The following PDE4D variants were observed in gnomAD, a reference collection of about 807,000 sequenced individuals.
The protein encoded by PDE4D is 3',5'-cyclic-AMP phosphodiesterase 4D.
A neutral mutation model predicts 87.4 loss-of-function variants in PDE4D; 24 were observed. The ratio of observed to expected loss-of-function variants is 0.27; its 90% CI spans 0.20 to 0.39. The LOEUF (loss-of-function observed/expected upper bound fraction) is 0.39. Ranked by LOEUF, PDE4D falls within the 10% of genes least tolerant of loss-of-function variation. The pLI is 1.00. For missense variants in PDE4D, 714 were observed against 1,041.0 expected (o/e 0.69, Z 4.32); for synonymous variants, 384 against 383.2 (o/e 1.00, Z -0.02).
intron 1 of PDE4D, among the ~76,000 whole-genome samples, chr5:60,206,005 G>A (rs116003472): frequency 6.6e-4 from 101 of 152,262 alleles, no homozygotes; most frequent in African/African-American, 2.4e-3. Flanking sequence ...CATTAAGTGA[G>A]GTATCTCCAG....
intron 1 of PDE4D, among the ~76,000 whole-genome samples, chr5:60,441,920 C>T (rs1745253965): frequency 6.6e-6 from 1 of 151,820 alleles, no homozygotes; most frequent in African/African-American, 2.4e-5. Context: ...GAATAGCAAT[C>T]ATTAAAAAGT....
intron 1 of PDE4D, among the ~76,000 whole-genome samples, chr5:60,357,909 T>C (rs1029129177): frequency 6.6e-6 from 1 of 152,196 alleles, no homozygotes; most frequent in Non-Finnish European, 1.5e-5. Flanking sequence ...TTACCACATA[T>C]ATGCAGTTGT....
chr5:60,295,425 A>G (rs544662622), intron 1 of PDE4D, among the ~76,000 whole-genome samples: 5 of 152,316 alleles, frequency 3.3e-5, no homozygotes, highest in African/African-American at 9.6e-5. Context: ...CTTGTTCCCA[A>G]TCTTATGGGA....
chr5:59,549,849 TCTA>T (rs1817829231), intron 1 of PDE4D, among the ~76,000 whole-genome samples: 1 of 152,028 alleles, frequency 6.6e-6, no homozygotes, highest in South Asian at 2.1e-4. Flanking sequence ...TTGGTTTTAC[TCTA>T]CTAACTCCAA....
chr5:59,955,282 T>C (rs1251515218), intron 3 of PDE4D, among the ~76,000 whole-genome samples: 1 of 152,222 alleles, frequency 6.6e-6, no homozygotes, highest in African/African-American at 2.4e-5. Flanking sequence ...TACTAGTTGA[T>C]ACTGGTAAAT....
At chr5:60,151,420 T>C (rs1460012056) in intron 2 of PDE4D, among the ~76,000 whole-genome samples, 1 of 152,198 alleles carries the variant, frequency 6.6e-6, no homozygotes, top group East Asian at 1.9e-4. Context: ...TTTATTTGCA[T>C]CTTCTTTAAT....
chr5:59,799,615 A>G (rs749184348), intron 1 of PDE4D, among the ~76,000 whole-genome samples: 13 of 152,238 alleles, frequency 8.5e-5, no homozygotes, highest in Non-Finnish European at 1.5e-4. Flanking sequence ...CAAACATAGC[A>G]TAGTAAACCA....
chr5:60,516,458 C>T (rs1750805595), intron 1 of PDE4D, among the ~76,000 whole-genome samples: 1 of 152,176 alleles, frequency 6.6e-6, no homozygotes, highest in Non-Finnish European at 1.5e-5. Flanking sequence ...GCAATTTGCT[C>T]TCCCATCTCT....
intron 1 of PDE4D, chr5:60,429,848 G>GT (rs749261710): frequency 0.025 from 6,355 of 258,152 alleles, 54 homozygotes; most frequent in African/African-American, 0.056. Flanking sequence ...TTTTTTTTTT[G>GT]TTTTTTTTTT....
chr5:60,432,294 C>G (rs904356722), intron 1 of PDE4D, among the ~76,000 whole-genome samples: 6 of 152,154 alleles, frequency 3.9e-5, no homozygotes, highest in Non-Finnish European at 7.3e-5. Flanking sequence ...AGAGTTCCTC[C>G]TCCTCAATTT....
chr5:60,000,340 A>G (rs1247580392), intron 2 of PDE4D, among the ~76,000 whole-genome samples: 2 of 152,212 alleles, frequency 1.3e-5, no homozygotes, highest in African/African-American at 4.8e-5. Flanking sequence ...CAGGAAGAGA[A>G]AATGGCTCAT....
At chr5:60,250,041 T>C (rs922572409) in intron 1 of PDE4D, among the ~76,000 whole-genome samples, 1 of 151,970 alleles carries the variant, frequency 6.6e-6, no homozygotes, top group African/African-American at 2.4e-5. Context: ...TTTCTCACAG[T>C]GCTTCTACAT....
chr5:59,437,437 T>C (rs899693881), intron 1 of PDE4D, among the ~76,000 whole-genome samples: 2 of 152,284 alleles, frequency 1.3e-5, no homozygotes, highest in African/African-American at 2.4e-5. Context: ...GTGGAAAGAA[T>C]TAAAACACTT....
intron 3 of PDE4D, among the ~76,000 whole-genome samples, chr5:59,931,829 G>A (rs1321056457): frequency 6.6e-6 from 1 of 151,700 alleles, no homozygotes; most frequent in Admixed American, 6.6e-5. Flanking sequence ...AGCCTCCTGA[G>A]TAGCTAGGAC....
intron 2 of PDE4D, among the ~76,000 whole-genome samples, chr5:60,163,888 A>C (rs1210659553): frequency 6.6e-6 from 1 of 152,200 alleles, no homozygotes; most frequent in Non-Finnish European, 1.5e-5. Flanking sequence ...GGACATCCCC[A>C]TTGACTTTCT....
chr5:59,778,793 T>G (rs1340847444), intron 1 of PDE4D, among the ~76,000 whole-genome samples: 1 of 152,208 alleles, frequency 6.6e-6, no homozygotes, highest in African/African-American at 2.4e-5. Context: ...TGCTTTTAGA[T>G]AGTTAACAGG....
intron 2 of PDE4D, among the ~76,000 whole-genome samples, chr5:59,196,600 C>CA (rs1410414545): frequency 6.6e-6 from 1 of 152,104 alleles, no homozygotes; most frequent in Non-Finnish European, 1.5e-5. Context: ...AGCATGAAGA[C>CA]AAAATCCAGA....
At chr5:60,180,568 T>A (rs1784298668) in intron 2 of PDE4D, among the ~76,000 whole-genome samples, 1 of 152,124 alleles carries the variant, frequency 6.6e-6, no homozygotes, top group South Asian at 2.1e-4. Context: ...TTGTAAAAAT[T>A]ATAAATTTAG....
At chr5:59,795,928 G>C (rs2152656531) in intron 1 of PDE4D, among the ~76,000 whole-genome samples, 1 of 152,296 alleles carries the variant, frequency 6.6e-6, no homozygotes, top group African/African-American at 2.4e-5. Context: ...CAGGAGGAAG[G>C]CACTATGAAG....
Sources: gnomAD v4.1 joint callset for allele counts (sites outside exome capture counted in the v4.1 genomes callset) on GRCh38, gnomAD v4.1.1 for gene constraint, MANE v1.5 for transcripts, NCBI Gene and HGNC (gene_info 2026-07-23, HGNC 2026-07-21) for gene names.